The following DENND1B variants were observed in gnomAD, a reference collection of about 807,000 sequenced individuals.
The protein encoded by DENND1B is DENN domain-containing protein 1B.
DENND1B carries 59 observed loss-of-function variants against 90.1 expected under a neutral mutation model. That is an observed-to-expected ratio of 0.65 (90% CI 0.53 to 0.81). The LOEUF (loss-of-function observed/expected upper bound fraction) is 0.81, where lower values mean the gene tolerates loss of function less well. Among genes scored for constraint, DENND1B ranks in the 40% least tolerant of loss-of-function variants. The probability of loss-of-function intolerance (pLI) is 0.00; values close to 1 mark genes in which losing one functional copy is unlikely to be tolerated. For synonymous variants in DENND1B, 337 were observed against 324.6 expected, an observed-to-expected ratio of 1.04 and a Z score of -0.41; for missense variants, 862 against 912.6, an observed-to-expected ratio of 0.94 and a Z score of 0.71.
At chr1:197,592,273 C>T (rs940957298) in intron 14 of DENND1B, among the ~76,000 whole-genome samples, 2 of 152,042 alleles carry the variant, frequency 1.3e-5, no homozygotes, top group Non-Finnish European at 2.9e-5. Context: ...CTATGAGTAT[C>T]ATTTTCCTCA....
chr1:197,578,595 T>C (rs1326255450), intron 15 of DENND1B, among the ~76,000 whole-genome samples: 3 of 152,160 alleles, frequency 2.0e-5, no homozygotes, highest in East Asian at 1.9e-4. Flanking sequence ...TGTGAGGTGA[T>C]AGATATGTTA....
At chr1:197,552,227 C>T in intron 16 of DENND1B, 1 of 983,964 alleles carries the variant, frequency 1.0e-6, no homozygotes, top group Non-Finnish European at 1.2e-6. Flanking sequence ...TGCTATTATA[C>T]CAGGCCAAAA....
At chr1:197,674,278 C>A in intron 3 of DENND1B, 109 bp from the exon 4 acceptor site, 2 of 767,492 alleles carry the variant, frequency 2.6e-6, no homozygotes, top group South Asian at 3.6e-5. Flanking sequence ...TTTCTTTGTC[C>A]TTAAGAAAAA....
At chr1:197,716,873 T>C (rs1027975982) in intron 2 of DENND1B, among the ~76,000 whole-genome samples, 1 of 152,006 alleles carries the variant, frequency 6.6e-6, no homozygotes, top group African/African-American at 2.4e-5. Context: ...ATTGAATAGC[T>C]TACAGTTTGC....
chr1:197,575,955 T>C (rs943403190), intron 15 of DENND1B, among the ~76,000 whole-genome samples: 12 of 152,070 alleles, frequency 7.9e-5, no homozygotes, highest in African/African-American at 2.9e-4. Flanking sequence ...GGGGGAGGGA[T>C]AGCATTAGGA....
At chr1:197,734,528 C>A in intron 2 of DENND1B, 1 of 974,006 alleles carries the variant, frequency 1.0e-6, no homozygotes, top group Non-Finnish European at 1.2e-6. Context: ...AAGGAATACA[C>A]AAAAATAGAT....
At chr1:197,586,594 C>T (rs776681132) in intron 14 of DENND1B, among the ~76,000 whole-genome samples, 2 of 152,108 alleles carry the variant, frequency 1.3e-5, no homozygotes, top group Admixed American at 6.5e-5. Context: ...TTATTAGAGA[C>T]TGAAAATATA....
At chr1:197,776,460 C>T (rs1008908400), upstream of DENND1B, among the ~76,000 whole-genome samples, 2 of 152,176 alleles carry the variant, frequency 1.3e-5, no homozygotes, top group Admixed American at 1.3e-4. Context: ...AGGCCAGGCT[C>T]TTACACAGAG....
At chr1:197,616,719 A>G (rs1398325353) in intron 11 of DENND1B, among the ~76,000 whole-genome samples, 2 of 151,156 alleles carry the variant, frequency 1.3e-5, no homozygotes, top group Non-Finnish European at 3.0e-5. Flanking sequence ...TTATGAAATA[A>G]GAAAGTTAAA....
intron 2 of DENND1B, among the ~76,000 whole-genome samples, chr1:197,742,535 C>G (rs948646959): frequency 6.6e-6 from 1 of 152,072 alleles, no homozygotes; most frequent in African/African-American, 2.4e-5. Flanking sequence ...CCAGCTGGCC[C>G]ACTATAAACA....
intron 15 of DENND1B, among the ~76,000 whole-genome samples, chr1:197,574,049 G>C (rs889919367): frequency 6.6e-6 from 1 of 152,026 alleles, no homozygotes; most frequent in Non-Finnish European, 1.5e-5. Context: ...AGACAAGGAT[G>C]CCCTCTCTCC....
intron 13 of DENND1B, chr1:197,606,253 T>C (rs1345060427): frequency 1.3e-5 from 2 of 151,090 alleles, no homozygotes; most frequent in African/African-American, 2.4e-5. Context: ...CATTATAAGC[T>C]GCAGACACAC....
chr1:197,586,459 A>C (rs1674707870), intron 14 of DENND1B, among the ~76,000 whole-genome samples: 1 of 152,202 alleles, frequency 6.6e-6, no homozygotes, highest in South Asian at 2.1e-4. Context: ...GTTCTTTGAT[A>C]ATTTTTAAGA....
At chr1:197,595,145 T>A (rs1253276939) in intron 14 of DENND1B, 63 bp downstream of exon 14, 2 of 1,530,978 alleles carry the variant, frequency 1.3e-6, no homozygotes, top group East Asian at 4.7e-5. Context: ...TCTCTTTTTT[T>A]CTGTCTCATT....
chr1:197,675,530 A>G (rs1655970178), intron 3 of DENND1B, among the ~76,000 whole-genome samples: 1 of 152,148 alleles, frequency 6.6e-6, no homozygotes, highest in African/African-American at 2.4e-5. Context: ...CACAGACTCT[A>G]TATTAAGCGA....
chr1:197,591,880 G>C (rs1675242577), intron 14 of DENND1B, among the ~76,000 whole-genome samples: 1 of 152,034 alleles, frequency 6.6e-6, no homozygotes, highest in Non-Finnish European at 1.5e-5. Flanking sequence ...GGAGGCCGAG[G>C]CAGGTGTATC....
At chr1:197,666,824 A>G (rs888614740) in intron 5 of DENND1B, among the ~76,000 whole-genome samples, 4 of 152,174 alleles carry the variant, frequency 2.6e-5, no homozygotes, top group Non-Finnish European at 5.9e-5. Context: ...TTTTCCCCCT[A>G]AAATTACTAG....
At chr1:197,759,635 C>A (rs1654761607) in intron 2 of DENND1B, among the ~76,000 whole-genome samples, 1 of 150,146 alleles carries the variant, frequency 6.7e-6, no homozygotes, top group South Asian at 2.1e-4. Flanking sequence ...CCCAGCTACT[C>A]AGGAGGCTGA....
At chr1:197,663,301 G>A (rs1654604622) in intron 5 of DENND1B, among the ~76,000 whole-genome samples, 2 of 151,984 alleles carry the variant, frequency 1.3e-5, no homozygotes, top group African/African-American at 4.8e-5. Flanking sequence ...AACATGTACT[G>A]GCTCTCAGTG....
Sources: gnomAD v4.1 joint callset for allele counts (sites outside exome capture counted in the v4.1 genomes callset) on GRCh38, gnomAD v4.1.1 for gene constraint, MANE v1.5 for transcripts, NCBI Gene and HGNC (gene_info 2026-07-23, HGNC 2026-07-21) for gene names.